Variants in CALCR observed in about 807,000 individuals in gnomAD.
CALCR encodes calcitonin receptor.
A neutral mutation model predicts 59.5 loss-of-function variants in CALCR; 47 were observed. The ratio of observed to expected loss-of-function variants is 0.79; its 90% CI spans 0.63 to 1.01. CALCR has a LOEUF of 1.01. CALCR is among the 50% of genes least tolerant of loss of function. The pLI is 0.00. For synonymous variants in CALCR, 213 were observed against 211.3 expected (o/e 1.01, Z -0.07); for missense variants, 566 against 597.1 (o/e 0.95, Z 0.54).
intron 2 of CALCR, among the ~76,000 whole-genome samples, chr7:93,505,618 G>A (rs928376133): frequency 6.6e-6 from 1 of 152,102 alleles, no homozygotes; most frequent in Non-Finnish European, 1.5e-5. Flanking sequence ...AGGGAACTTT[G>A]CTAAACTTCT....
Position 93,479,520 on chromosome 7 carries a change from G to T in CALCR, c.52-13C>A. On this transcript the variant is annotated splice_polypyrimidine_tract_variant and intron_variant, in intron 3 of 13. Coordinates refer to ENST00000426151, the MANE Select transcript of CALCR (RefSeq NM_001742.4). ...TTGGGGTTGGGTGCTGTATTAAAAA[G>T]AAAAATCAGTTACTTATAGACAGGA... 8 of 1,606,108 alleles carry T rather than the reference G, an allele frequency of 5.0e-6. No individual in the cohort carries two copies. Among genetic ancestry groups the T allele is most frequent in the Non-Finnish European group, 5.1e-6 (6 of 1,176,818 alleles).
chr7:93,531,330 C>T (rs1453259394), intron 2 of CALCR, among the ~76,000 whole-genome samples: 1 of 151,988 alleles, frequency 6.6e-6, no homozygotes, highest in Admixed American at 6.6e-5. Flanking sequence ...GGAACCTGGG[C>T]TGAGTTGTTA....
At chr7:93,564,835 C>T (rs552518594) in intron 2 of CALCR, among the ~76,000 whole-genome samples, 62 of 151,862 alleles carry the variant, frequency 4.1e-4, no homozygotes, top group African/African-American at 1.4e-3. Context: ...AGGAATAGGG[C>T]AAAATAAAAG....
chr7:93,500,755 C>T (rs1384223309), intron 2 of CALCR, among the ~76,000 whole-genome samples: 1 of 151,930 alleles, frequency 6.6e-6, no homozygotes. Context: ...TCCTCATGCA[C>T]CCCCTTAATA....
chr7:93,447,526 G>C (rs1000853831), intron 8 of CALCR, among the ~76,000 whole-genome samples: 1 of 151,812 alleles, frequency 6.6e-6, no homozygotes, highest in Non-Finnish European at 1.5e-5. Flanking sequence ...GGGGGTAGAG[G>C]AAGACCTTAA....
chr7:93,549,442 A>G (rs1789390555), intron 2 of CALCR, among the ~76,000 whole-genome samples: 1 of 152,170 alleles, frequency 6.6e-6, no homozygotes, highest in Admixed American at 6.6e-5. Context: ...CAGTTTCCTG[A>G]GCATTCTGAA....
chr7:93,502,896 T>C (rs1354607168), intron 2 of CALCR, among the ~76,000 whole-genome samples: 3 of 152,060 alleles, frequency 2.0e-5, no homozygotes, highest in African/African-American at 7.2e-5. Context: ...TATATATGAA[T>C]AGAAAAAAGG....
chr7:93,444,718 C>T lies in CALCR; in HGVS notation c.649-961G>A, dbSNP rs553569948. ...TGAGGGTACTTAGCTGTGCTTATGTCTTAACAACAACAATAATGACAACGG... is the reference window on the plus strand; with the variant it reads ...TGAGGGTACTTAGCTGTGCTTATGTTTTAACAACAACAATAATGACAACGG... On this transcript the variant is annotated intron_variant, in intron 8 of 13. Transcript: ENST00000426151. Among the ~76,000 whole-genome samples, 10 of 152,102 alleles carry T rather than the reference C, an allele frequency of 6.6e-5. No individual in the cohort carries two copies. The South Asian group carries it at 2.1e-3, about 32-fold the overall frequency.
intron 2 of CALCR, among the ~76,000 whole-genome samples, chr7:93,571,742 C>T (rs766659278): frequency 7.9e-5 from 12 of 152,172 alleles, no homozygotes; most frequent in East Asian, 3.9e-4. Context: ...TGGCTTTGAG[C>T]GAGTTCATTA....
chr7:93,436,115 T>G lies in CALCR; in HGVS notation c.986A>C (p.Glu329Ala). 6.2e-7 allele frequency: 1 copy of G among 1,614,180 alleles called. No individual in the cohort carries two copies. The highest frequency in any genetic ancestry group is 8.5e-7 in the Non-Finnish European group (1 of 1,180,000). Reference sequence around the variant, plus strand: ...CATGTGGGATTCCGCCTCATGGGTTTCCCTCATTTTGGTCACAAGCACCCG... The same window carrying G: ...CATGTGGGATTCCGCCTCATGGGTTGCCCTCATTTTGGTCACAAGCACCCG... ...IVRVLVTKMR[E>A]THEAESHMYL... The change falls in exon 12 of 14, where the codon GAA becomes GCA. Residue 329 changes from glutamate to alanine, a missense_variant. Coordinates refer to ENST00000426151, the MANE Select transcript of CALCR (RefSeq NM_001742.4).
chr7:93,540,096 C>T (rs1789092389), intron 2 of CALCR, among the ~76,000 whole-genome samples: 1 of 152,204 alleles, frequency 6.6e-6, no homozygotes, highest in South Asian at 2.1e-4. Flanking sequence ...ATTCTTCCAA[C>T]AGAACACTTG....
intron 2 of CALCR, among the ~76,000 whole-genome samples, chr7:93,503,186 T>A (rs1801356586): frequency 6.6e-6 from 1 of 152,080 alleles, no homozygotes; most frequent in Non-Finnish European, 1.5e-5. Flanking sequence ...CTCCACATGA[T>A]TTTCTCTCTG....
At chr7:93,435,719 T>C (rs762023060) in intron 12 of CALCR, among the ~76,000 whole-genome samples, 4 of 151,818 alleles carry the variant, frequency 2.6e-5, no homozygotes, top group Non-Finnish European at 4.4e-5. Flanking sequence ...GGTGGGAGAA[T>C]TGCTTGAGCC....
intron 2 of CALCR, among the ~76,000 whole-genome samples, chr7:93,525,051 A>G (rs981581393): frequency 2.0e-5 from 3 of 152,190 alleles, no homozygotes; most frequent in African/African-American, 7.2e-5. Flanking sequence ...AATTATAATT[A>G]TTCTTACTGG....
chr7:93,554,019 T>C (rs1789530865), intron 2 of CALCR, among the ~76,000 whole-genome samples: 1 of 152,190 alleles, frequency 6.6e-6, no homozygotes, highest in African/African-American at 2.4e-5. Flanking sequence ...ATTTCTGCTT[T>C]TGTTAGTTTG....
chr7:93,566,538 G>A (rs1040177276), intron 2 of CALCR, among the ~76,000 whole-genome samples: 5 of 152,052 alleles, frequency 3.3e-5, no homozygotes, highest in Admixed American at 6.6e-5. Flanking sequence ...CGTCTAAGTC[G>A]CCTTCAAAAT....
In CALCR at chr7:93,452,108, A is replaced by C. The variant is rs552100176; in HGVS notation, c.649-8351T>G. Among the ~76,000 whole-genome samples the C allele has an allele frequency of 3.3e-5, 5 of 152,042 alleles. No homozygotes were observed. The South Asian group carries it at 1.0e-3, about 32-fold the overall frequency. ...CTGAGTGACAGGACCTGTACCCCAA[A>C]CCTCAACTCCACGCAAGATGCCCAT... On this transcript the variant is annotated intron_variant, in intron 8 of 13. Transcript: ENST00000426151.
At chr7:93,468,286 A>G (rs1193483108) in intron 7 of CALCR, among the ~76,000 whole-genome samples, 2 of 151,806 alleles carry the variant, frequency 1.3e-5, no homozygotes, top group Non-Finnish European at 2.9e-5. Context: ...TTAGTCTTAC[A>G]TATGCTAGCA....
At chr7:93,495,259 A>ATCAAAAC (rs1159387867) in intron 2 of CALCR, among the ~76,000 whole-genome samples, 2 of 151,362 alleles carry the variant, frequency 1.3e-5, no homozygotes, top group Non-Finnish European at 3.0e-5. Flanking sequence ...CTCAAAGAAA[A>ATCAAAAC]TCAAAACAAA....
Sources: allele counts gnomAD v4.1 joint callset (sites outside exome capture counted in the v4.1 genomes callset), GRCh38; gene constraint gnomAD v4.1.1; transcripts MANE v1.5; gene names NCBI Gene and HGNC (gene_info 2026-07-23, HGNC 2026-07-21).